Variants in THADA observed in about 807,000 individuals in gnomAD.
THADA encodes the protein tRNA (32-2'-O)-methyltransferase regulator THADA.
A neutral mutation model predicts 219.8 loss-of-function variants in THADA; 213 were observed. That is an observed-to-expected ratio of 0.97 (90% confidence interval 0.87 to 1.09). The LOEUF (loss-of-function observed/expected upper bound fraction) is 1.09. THADA is among the 50% of genes least tolerant of loss of function. The pLI, the probability that THADA is intolerant of heterozygous loss-of-function variation, is 0.00. For missense variants in THADA, 2,956 were observed against 2,311.3 expected, an observed-to-expected ratio of 1.28 and a Z score of -5.72; for synonymous variants, 1,018 against 828.9, an observed-to-expected ratio of 1.23 and a Z score of -3.92.
chr2:43,461,961 C>A (rs1683692283), intron 26 of THADA, among the ~76,000 whole-genome samples: 1 of 152,204 alleles, frequency 6.6e-6, no homozygotes, highest in African/African-American at 2.4e-5. Flanking sequence ...CTCTGACCCC[C>A]AAAAGGTGCC....
chr2:43,529,519 T>C (rs1217878081), intron 21 of THADA, among the ~76,000 whole-genome samples: 1 of 152,210 alleles, frequency 6.6e-6, no homozygotes, highest in African/African-American at 2.4e-5. Context: ...GGCCAGATTA[T>C]TTATTTTAAA....
intron 26 of THADA, among the ~76,000 whole-genome samples, chr2:43,431,505 G>A (rs1301763159): frequency 7.2e-5 from 11 of 152,046 alleles, no homozygotes; most frequent in Non-Finnish European, 1.5e-4. Flanking sequence ...TCACTCTGTT[G>A]CCCAGGCTGG....
rs1448590875 is a variant in THADA, at chr2:43,298,008, T to A, written c.4439-4795A>T. Among the ~76,000 whole-genome samples, 17 of 81,964 alleles carry A rather than the reference T, an allele frequency of 2.1e-4. 6 individuals carry two copies. The highest frequency in any genetic ancestry group is 1.0e-3 in the African/African-American group (13 of 12,618). The allele number at this position is 81,964 out of a possible 152,430, so 53.8% of individuals were successfully genotyped here. ...CGTCCGGGAGGGAGTGTGGGGGGGG[T>A]CAGCCCCCCGGCCCGGCCAGCCGCC... On this transcript the variant is annotated intron_variant, in intron 31 of 37. Coordinates refer to ENST00000405975, the MANE Select transcript of THADA (RefSeq NM_022065.5).
chr2:43,520,713 T>TATATACACACACACAC (rs1218079783), intron 22 of THADA, among the ~76,000 whole-genome samples: 15 of 125,126 alleles, frequency 1.2e-4, no homozygotes, highest in African/African-American at 3.3e-4. Flanking sequence ...TATATATATA[T>TATATACACACACACAC]ACACACACAC....
intron 23 of THADA, among the ~76,000 whole-genome samples, chr2:43,506,859 G>A (rs1689738261): frequency 6.6e-6 from 1 of 152,058 alleles, no homozygotes; most frequent in South Asian, 2.1e-4. Context: ...AGCTTCTTCT[G>A]AAGCATTTGA....
At chr2:43,415,052 C>G (rs1470175832) in intron 28 of THADA, among the ~76,000 whole-genome samples, 1 of 152,140 alleles carries the variant, frequency 6.6e-6, no homozygotes, top group Non-Finnish European at 1.5e-5. Flanking sequence ...CTTGCTTTCT[C>G]CCTTTGTTTC....
Position 43,552,250 on chromosome 2 carries a change from C to T in THADA, c.2764G>A (p.Gly922Arg). 6.2e-7 allele frequency: 1 copy of T among 1,611,872 alleles called. No individual in the cohort carries two copies. Among genetic ancestry groups the T allele is most frequent in the Non-Finnish European group, 8.5e-7 (1 of 1,179,330 alleles). ...LQAAAAFPMY[G>R]RVHCITGALQ... ...GCTCCTGTTATACAGTGGACTCGCC[C>T]ATACATTGGAAATGCTGCTGCTGCC... Residue 922 changes from glycine to arginine, a missense_variant, in exon 18 of 38, where the codon GGG becomes AGG. Transcript: ENST00000405975.
Position 43,508,633 on chromosome 2 carries a change from C to T in THADA, c.3507+15G>A, listed in dbSNP as rs750841883. On this transcript the variant is annotated intron_variant, in intron 23 of 37. Transcript: ENST00000405975. Reference sequence around the variant, plus strand: ...ACAAATATAAACAAACAGCTAGGGTCCTACAGATAAATACCTGTATGTAGA... The same window carrying T: ...ACAAATATAAACAAACAGCTAGGGTTCTACAGATAAATACCTGTATGTAGA... The T allele has an allele frequency of 1.2e-6, 2 of 1,610,864 alleles. No homozygotes were observed. The highest frequency in any genetic ancestry group is 2.2e-5 in the East Asian group (1 of 44,822).
chr2:43,544,505 G>A (rs1695758625), intron 20 of THADA, among the ~76,000 whole-genome samples: 2 of 152,186 alleles, frequency 1.3e-5, no homozygotes, highest in African/African-American at 4.8e-5. Context: ...TCCTACCCAT[G>A]AGCATGGAAT....
chr2:43,534,739 A>C (rs1694329320), intron 21 of THADA, among the ~76,000 whole-genome samples: 1 of 152,128 alleles, frequency 6.6e-6, no homozygotes, highest in South Asian at 2.1e-4. Flanking sequence ...CAGGTTGATT[A>C]CGTACCTTGT....
intron 36 of THADA, among the ~76,000 whole-genome samples, chr2:43,234,745 C>T (rs977067659): frequency 7.2e-5 from 11 of 152,122 alleles, no homozygotes; most frequent in African/African-American, 2.7e-4. Flanking sequence ...CCTCCGCCTC[C>T]TGGGTTCAAG....
At chr2:43,314,885 T>G (rs1209898636) in intron 31 of THADA, among the ~76,000 whole-genome samples, 1 of 152,250 alleles carries the variant, frequency 6.6e-6, no homozygotes, top group Non-Finnish European at 1.5e-5. Flanking sequence ...AAAACCTAGT[T>G]AATGGCTGAG....
intron 30 of THADA, among the ~76,000 whole-genome samples, chr2:43,342,794 T>C (rs1667200682): frequency 6.6e-6 from 1 of 152,178 alleles, no homozygotes; most frequent in Admixed American, 6.5e-5. Flanking sequence ...TATCCCTATA[T>C]CTCCTAACAC....
chr2:43,570,558 T>G (rs1383173375), intron 13 of THADA, 48 bp from the exon 14 acceptor site: 1 of 1,569,606 alleles, frequency 6.4e-7, no homozygotes, highest in Non-Finnish European at 8.6e-7. Context: ...ACATTAAATT[T>G]AAATGTCAGC....
intron 22 of THADA, among the ~76,000 whole-genome samples, chr2:43,516,386 T>G (rs868453450): frequency 6.6e-6 from 1 of 152,132 alleles, no homozygotes; most frequent in South Asian, 2.1e-4. Flanking sequence ...CTCTTTCCTA[T>G]GCTCACACTA....
intron 26 of THADA, among the ~76,000 whole-genome samples, chr2:43,479,170 T>A (rs1256673922): frequency 6.6e-6 from 1 of 152,224 alleles, no homozygotes; most frequent in East Asian, 1.9e-4. Context: ...TTGAGAAAAT[T>A]AACTTCATAC....
intron 26 of THADA, among the ~76,000 whole-genome samples, chr2:43,481,312 G>A (rs562470371): frequency 4.6e-5 from 7 of 152,212 alleles, no homozygotes; most frequent in Admixed American, 6.5e-5. Context: ...AATTTTACTT[G>A]GATCATCCCA....
chr2:43,401,637 G>A (rs746965610), intron 28 of THADA, among the ~76,000 whole-genome samples: 6 of 152,202 alleles, frequency 3.9e-5, no homozygotes, highest in Non-Finnish European at 5.9e-5. Flanking sequence ...GCACTTGACA[G>A]TTGATAAAAC....
At chr2:43,566,559 T>C in intron 15 of THADA, 139 bp downstream of exon 15, 2 of 957,292 alleles carry the variant, frequency 2.1e-6, no homozygotes, top group Non-Finnish European at 3.3e-6. Flanking sequence ...TTTCATTATG[T>C]ACAAGCAAGA....
Sources: allele counts gnomAD v4.1 joint callset (sites outside exome capture counted in the v4.1 genomes callset), GRCh38; gene constraint gnomAD v4.1.1; transcripts MANE v1.5; gene names NCBI Gene and HGNC (gene_info 2026-07-23, HGNC 2026-07-21).